Variants in ZNF365 observed in about 807,000 individuals in gnomAD.
ZNF365 encodes the protein zinc finger protein 365, also known as protein ZNF365.
In ZNF365, 22 loss-of-function variants were observed where a neutral mutation model predicts 35.0. That is an observed-to-expected ratio of 0.63 (90% CI 0.45 to 0.90). ZNF365 has a LOEUF of 0.90. Ranked by LOEUF, ZNF365 falls within the 40% of genes least tolerant of loss-of-function variation. The probability of loss-of-function intolerance (pLI) is 0.00; values close to 1 mark genes in which losing one functional copy is unlikely to be tolerated. For missense variants in ZNF365, 448 were observed against 500.3 expected, an observed-to-expected ratio of 0.90 and a Z score of 1.00; for synonymous variants, 188 against 196.2, an observed-to-expected ratio of 0.96 and a Z score of 0.35.
At chr10:62,449,205 G>A (rs747684422) in intron 3 of ZNF365, among the ~76,000 whole-genome samples, 11 of 152,122 alleles carry the variant, frequency 7.2e-5, no homozygotes, top group East Asian at 1.9e-4. Context: ...TGTTATTTTG[G>A]TATTGTATGG....
At chr10:62,442,783 T>A (rs1192451026) in intron 3 of ZNF365, among the ~76,000 whole-genome samples, 1 of 152,212 alleles carries the variant, frequency 6.6e-6, no homozygotes. Flanking sequence ...GGCTTTTTAT[T>A]TTTCTAATCT....
intron 3 of ZNF365, among the ~76,000 whole-genome samples, chr10:62,456,833 TGC>T (rs1304047947): frequency 2.1e-5 from 3 of 143,934 alleles, no homozygotes; most frequent in Admixed American, 2.0e-4. Context: ...CACACACACG[TGC>T]GCACACATGC....
intron 3 of ZNF365, among the ~76,000 whole-genome samples, chr10:62,441,034 T>A (rs941600637): frequency 2.0e-5 from 3 of 152,220 alleles, no homozygotes; most frequent in Admixed American, 2.0e-4. Flanking sequence ...TATTTAAATA[T>A]TCACTTACTC....
At chr10:62,459,864 T>C (rs1840819322) in intron 4 of ZNF365, 2 of 1,453,300 alleles carry the variant, frequency 1.4e-6, no homozygotes, top group Admixed American at 1.9e-5. Flanking sequence ...TCTGGGTCCA[T>C]ATGAGAGAGA....
At chr10:62,465,320 G>A (rs2132484976) in intron 4 of ZNF365, among the ~76,000 whole-genome samples, 1 of 152,332 alleles carries the variant, frequency 6.6e-6, no homozygotes, top group South Asian at 2.1e-4. Context: ...AGGGTACTGA[G>A]GGTGGCTTGG....
chr10:62,409,036 C>T lies in ZNF365; in HGVS notation c.924+20460C>T, dbSNP rs532574188. Among the ~76,000 whole-genome samples, 372 of 152,276 alleles carry T rather than the reference C, an allele frequency of 2.4e-3. 3 individuals are homozygous for T. The highest frequency in any genetic ancestry group is 8.5e-3 in the African/African-American group (354 of 41,548). ...TTGTGACTGCAGGGAGATTCCTTCC[C>T]TAATGGGGTAGGGCCATCTCCTACT... On this transcript the variant is annotated intron_variant, in intron 3 of 4. Coordinates refer to the ZNF365 transcript ENST00000395255.
At chr10:62,397,085 T>C (rs183491514) in intron 3 of ZNF365, among the ~76,000 whole-genome samples, 45 of 152,346 alleles carry the variant, frequency 3.0e-4, no homozygotes, top group African/African-American at 1.1e-3. Flanking sequence ...GAGCCATCTG[T>C]CCCACCTTCT....
intron 3 of ZNF365, among the ~76,000 whole-genome samples, chr10:62,458,140 A>G (rs1840790611): frequency 6.6e-6 from 1 of 152,294 alleles, no homozygotes; most frequent in East Asian, 1.9e-4. Flanking sequence ...CCTTCTGTTA[A>G]TCACTTGGTT....
Position 62,464,254 on chromosome 10 carries a change from T to C in ZNF365, c.981+4457T>C, listed in dbSNP as rs1044465667. Among the ~76,000 whole-genome samples, 4 of 152,344 alleles carry C rather than the reference T, an allele frequency of 2.6e-5. No homozygotes were observed. The South Asian group carries it at 6.2e-4, about 24-fold the overall frequency. On this transcript the variant is annotated intron_variant, in intron 4 of 4. Coordinates refer to the ZNF365 transcript ENST00000395255. ...CATGCTTACTAGCTCATTGTAAATA[T>C]GATTTTTCTCCAAAAACTTTCCTGC... is the stretch of plus-strand genomic sequence containing the variant.
At position 62,376,597 on chromosome 10, in the gene ZNF365, A is replaced by G. The variant is rs1296434883; in HGVS notation, c.404A>G (p.His135Arg). 1 of 1,614,186 alleles carries G rather than the reference A, an allele frequency of 6.2e-7. No individual in the cohort carries two copies. Among genetic ancestry groups the G allele is most frequent in the Non-Finnish European group, 8.5e-7 (1 of 1,180,044 alleles). Residue 135 changes from histidine to arginine, a missense_variant, in exon 2 of 5, where the codon CAT (histidine) becomes CGT (arginine). Physicochemically the swap from His to Arg is conservative, Grantham distance 29 (BLOSUM62 0). This residue lies in a region of ZNF365 where 362 missense variants were observed against 375.7 expected (regional missense o/e 0.96). Coordinates refer to ENST00000395254, the MANE Select transcript of ZNF365 (RefSeq NM_014951.3). ...CAGACCTACACTGCCATGGACCTCC[A>G]TGCAGACTCGCTGGATGGGACACGG... ...YVQTYTAMDL[H>R]ADSLDGTRSG...
chr10:62,426,139 G>A (rs766165805), intron 3 of ZNF365, among the ~76,000 whole-genome samples: 3 of 151,738 alleles, frequency 2.0e-5, no homozygotes, highest in Non-Finnish European at 4.4e-5. Flanking sequence ...TGTGTGATTC[G>A]CCTACTAGAT....
Position 62,465,475 on chromosome 10 carries a change from G to T in ZNF365, c.981+5678G>T, listed in dbSNP as rs561700065. 7.2e-5 allele frequency among the ~76,000 whole-genome samples: 11 copies of T among 152,282 alleles called. No homozygotes were observed. In the South Asian group the frequency reaches 2.3e-3, roughly 32 times the overall value. ...CCTTCAAGCCAGGAATGCTCTGGAG[G>T]CTGGGCTGCCAGTTCCAGGTGGAGT... On this transcript the variant is annotated intron_variant, in intron 4 of 4. Transcript: ENST00000395255.
intron 2 of ZNF365, among the ~76,000 whole-genome samples, chr10:62,384,357 T>C (rs1410464794): frequency 6.6e-6 from 1 of 152,258 alleles, no homozygotes; most frequent in Non-Finnish European, 1.5e-5. Flanking sequence ...TTCTTCTTAG[T>C]CACTTTTAAC....
chr10:62,459,938 T>G, intron 4 of ZNF365: 2 of 699,520 alleles, frequency 2.9e-6, no homozygotes, highest in Non-Finnish European at 4.8e-6. Context: ...ATTCTCCTTC[T>G]CCCAAGTCAT....
At chr10:62,408,422 C>T (rs1839936224) in intron 3 of ZNF365, among the ~76,000 whole-genome samples, 1 of 152,160 alleles carries the variant, frequency 6.6e-6, no homozygotes, top group South Asian at 2.1e-4. Context: ...TAGGTATTAA[C>T]ATATCTAAAG....
At chr10:62,466,567 A>G (rs1166713939) in intron 4 of ZNF365, among the ~76,000 whole-genome samples, 1 of 152,134 alleles carries the variant, frequency 6.6e-6, no homozygotes, top group African/African-American at 2.4e-5. Flanking sequence ...ACTGCTGGCC[A>G]TAGAGGTTTC....
chr10:62,386,238 G>T (rs1484636662), intron 2 of ZNF365, among the ~76,000 whole-genome samples: 1 of 152,176 alleles, frequency 6.6e-6, no homozygotes, highest in African/African-American at 2.4e-5. Context: ...AATGACGGTA[G>T]AGCTTAAAAA....
In ZNF365 at chr10:62,399,575, C is replaced by T. The variant is rs1350739888; in HGVS notation, c.1010C>T (p.Ala337Val). 2 of 1,613,966 alleles carry T rather than the reference C, an allele frequency of 1.2e-6. No individual in the cohort carries two copies. Among genetic ancestry groups the T allele is most frequent in the South Asian group, 1.1e-5 (1 of 91,070 alleles). Reference protein sequence around the residue: ...HSVCNHPDLKAHFHPKGRNHL... With the variant: ...HSVCNHPDLKVHFHPKGRNHL... ...GTATGTAACCACCCTGATCTCAAGG[C>T]CCATTTCCACCCAAAGGGAAGGAAC... The change falls in exon 5 of 5, where the codon GCC becomes GTC. Residue 337 changes from alanine (A) to valine (V), a missense_variant. Physicochemically the swap from Ala to Val is moderately conservative, Grantham distance 64. Transcript: ENST00000395254.
rs780398021 is a variant in ZNF365, at chr10:62,376,528, G to T, written c.335G>T (p.Arg112Met). 4 of 1,614,136 alleles carry T rather than the reference G, an allele frequency of 2.5e-6. No homozygotes were observed. Among genetic ancestry groups the T allele is most frequent in the Non-Finnish European group, 2.5e-6 (3 of 1,180,036 alleles). Residue 112 changes from arginine to methionine, a missense_variant, in exon 2 of 5, where the codon AGG (arginine) becomes ATG (methionine). Arg to Met is a moderately conservative substitution (Grantham distance 91, BLOSUM62 -1). Transcript: ENST00000395254. ...YSISHEHSKDRKPFEVVAERP... is the reference protein window; with the variant it reads ...YSISHEHSKDMKPFEVVAERP... ...ATTTCACATGAACATTCCAAGGACA[G>T]GAAGCCATTTGAGGTGGTGGCAGAG...
Sources: allele counts gnomAD v4.1 joint callset (sites outside exome capture counted in the v4.1 genomes callset), GRCh38; gene constraint gnomAD v4.1.1; regional missense constraint gnomAD v4.1.1; transcripts MANE v1.5; gene names NCBI Gene and HGNC (gene_info 2026-07-23, HGNC 2026-07-21).